RPH3A: variants seen among roughly 807,000 people sequenced by gnomAD.
RPH3A encodes rabphilin-3A.
RPH3A carries 48 observed loss-of-function variants against 102.2 expected under a neutral mutation model. The observed-to-expected ratio is 0.47, with a 90% confidence interval of 0.37 to 0.60. The LOEUF (loss-of-function observed/expected upper bound fraction) is 0.60. Among genes scored for constraint, RPH3A ranks in the 20% least tolerant of loss-of-function variants. RPH3A has a pLI of 0.00. For missense variants in RPH3A, 781 were observed against 910.1 expected, an observed-to-expected ratio of 0.86 and a Z score of 1.83; for synonymous variants, 310 against 324.3, an observed-to-expected ratio of 0.96 and a Z score of 0.47.
chr12:112,696,904 C>A (rs959978815), intron 1 of RPH3A, among the ~76,000 whole-genome samples: 2 of 151,370 alleles, frequency 1.3e-5, no homozygotes, highest in African/African-American at 4.9e-5. Context: ...GTCTTGTTTT[C>A]TTTTTTCTTT....
In RPH3A at chr12:112,875,107, C is replaced by T. The variant is rs769215936; in HGVS notation, c.820C>T (p.Gln274Ter). The T allele has an allele frequency of 6.2e-7, 1 of 1,609,932 alleles. No individual in the cohort carries two copies. The highest frequency in any genetic ancestry group is 1.1e-5 in the South Asian group (1 of 90,100). Residue 274 changes from glutamine to a stop codon, truncating the protein, a stop_gained, in exon 11 of 22, where the codon CAG becomes TAG. Transcript: ENST00000389385. LOFTEE classifies it high-confidence loss of function. The stretch of plus-strand genomic sequence containing the variant: ...AGGTTTGAGACGGGCCAACTCAGTC[C>T]AGGCCTCCAGACCTGCCCCAGGCTC... ...PAGLRRANSV[Q>*]ASRPAPGSVQ...
chr12:112,760,530 A>G (rs1232149623), intron 1 of RPH3A, among the ~76,000 whole-genome samples: 1 of 152,242 alleles, frequency 6.6e-6, no homozygotes, highest in African/African-American at 2.4e-5. Context: ...GTTAAAGAAG[A>G]TATACACTTG....
chr12:112,713,102 T>TTCTTCTTCTTCTTCTTC (rs2040491396), intron 1 of RPH3A, among the ~76,000 whole-genome samples: 1 of 135,552 alleles, frequency 7.4e-6, no homozygotes, highest in East Asian at 2.3e-4. Flanking sequence ...TTCTTCTTCT[T>TTCTTCTTCTTCTTCTTC]TTATTTTTTT....
intron 2 of RPH3A, among the ~76,000 whole-genome samples, chr12:112,819,283 T>C (rs2041735800): frequency 6.6e-6 from 1 of 152,090 alleles, no homozygotes; most frequent in Admixed American, 6.5e-5. Context: ...TTTTTTTGTA[T>C]TCTTAGTAGA....
intron 2 of RPH3A, among the ~76,000 whole-genome samples, chr12:112,802,912 G>A (rs1341029004): frequency 6.6e-6 from 1 of 152,142 alleles, no homozygotes; most frequent in Non-Finnish European, 1.5e-5. Context: ...AGAATAGATT[G>A]GTGAAAGCAG....
intron 1 of RPH3A, among the ~76,000 whole-genome samples, chr12:112,671,543 A>G (rs982864106): frequency 6.6e-6 from 1 of 152,214 alleles, no homozygotes; most frequent in African/African-American, 2.4e-5. Flanking sequence ...GGCTACAGCT[A>G]GCTACAGCTA....
chr12:112,841,904 C>T, intron 4 of RPH3A: 1 of 455,926 alleles, frequency 2.2e-6, no homozygotes, highest in Non-Finnish European at 4.4e-6. Context: ...CTCTCTCTCT[C>T]TGTCCGTCTG....
chr12:112,631,027 G>A (rs2039800192), intron 1 of RPH3A, among the ~76,000 whole-genome samples: 2 of 152,128 alleles, frequency 1.3e-5, no homozygotes, highest in African/African-American at 2.4e-5. Flanking sequence ...TCCAGGTAGG[G>A]GAAACAGGGT....
rs1245125420 is a variant in RPH3A at position 112,876,726 on chromosome 12, C to A, written c.1031C>A (p.Ala344Asp). ...GGVGGYPAVGAREDRMSHPSG... is the reference protein window; with the variant it reads ...GGVGGYPAVGDREDRMSHPSG... ...GTCGGGGGCTACCCAGCAGTTGGAG[C>A]CAGAGAGGACCGAATGAGCCACCCC... The change falls in exon 13 of 22, where the codon GCC becomes GAC. Residue 344 changes from alanine (A) to aspartate (D), a missense_variant. Around this residue, in one of 2 missense-constraint regions of RPH3A, gnomAD observed 730 missense variants for 810.0 expected, o/e 0.90. Transcript: ENST00000389385. 1.2e-6 allele frequency: 2 copies of A among 1,613,262 alleles called. No individual in the cohort carries two copies. Among genetic ancestry groups the A allele is most frequent in the Admixed American group, 3.3e-5 (2 of 59,926 alleles).
intron 1 of RPH3A, among the ~76,000 whole-genome samples, chr12:112,771,724 T>C (rs1477884471): frequency 1.3e-5 from 2 of 152,236 alleles, no homozygotes; most frequent in African/African-American, 2.4e-5. Context: ...ACCAACACAA[T>C]GTGTTATCGC....
chr12:112,889,424 T>G (rs528767940), intron 17 of RPH3A, among the ~76,000 whole-genome samples: 3 of 152,240 alleles, frequency 2.0e-5, no homozygotes, highest in Non-Finnish European at 4.4e-5. Flanking sequence ...AGAACACTAC[T>G]GATCATCTTC....
intron 1 of RPH3A, among the ~76,000 whole-genome samples, chr12:112,634,219 G>A (rs2039829470): frequency 1.1e-5 from 1 of 94,462 alleles, no homozygotes; most frequent in Non-Finnish European, 2.1e-5. Context: ...GTAGTGGCGG[G>A]CGCCTGTAGT....
In RPH3A at chr12:112,798,644, C is replaced by T. The variant is rs888777280; in HGVS notation, c.-19+6381C>T. On this transcript the variant is annotated intron_variant, in intron 2 of 21. Transcript: ENST00000389385. The stretch of plus-strand genomic sequence containing the variant: ...GTGGTCCGCTCCATTGCACATCTTC[C>T]TCCCTGCCCCCTTTCCCCTTTCCGT... Among the ~76,000 whole-genome samples the T allele has an allele frequency of 7.2e-5, 11 of 152,140 alleles. No individual in the cohort carries two copies. In the East Asian group the frequency reaches 2.1e-3, roughly 29 times the overall value.
chr12:112,793,147 G>A (rs1301976634), intron 2 of RPH3A, among the ~76,000 whole-genome samples: 1 of 152,152 alleles, frequency 6.6e-6, no homozygotes, highest in Admixed American at 6.5e-5. Flanking sequence ...GGGAAAGGCT[G>A]CACCAACCTG....
chr12:112,589,422 G>T (rs1284285266), intron 1 of RPH3A, among the ~76,000 whole-genome samples: 3 of 152,038 alleles, frequency 2.0e-5, no homozygotes, highest in Non-Finnish European at 4.4e-5. Flanking sequence ...AACCACCATG[G>T]CCTCCTTGCT....
chr12:112,716,805 G>T (rs1175915576), intron 1 of RPH3A, among the ~76,000 whole-genome samples: 1 of 152,210 alleles, frequency 6.6e-6, no homozygotes, highest in African/African-American at 2.4e-5. Context: ...TCAATTTGAT[G>T]AAAATTTATT....
At position 112,867,864 on chromosome 12, in the gene RPH3A, G is replaced by A. The variant is rs538753855; in HGVS notation, c.445-566G>A. 8.6e-4 allele frequency among the ~76,000 whole-genome samples: 131 copies of A among 152,326 alleles called. 1 individual carries two copies. The highest frequency in any genetic ancestry group is 1.6e-3 in the Non-Finnish European group (109 of 68,038). On this transcript the variant is annotated intron_variant, in intron 7 of 21. Transcript: ENST00000389385. ...TGACCAACTAAACCTGAAGACAGAG[G>A]TCAAGGTTTATTTGGTGGAGTCCAG...
chr12:112,771,458 C>T (rs2040927121), intron 1 of RPH3A, among the ~76,000 whole-genome samples: 1 of 152,126 alleles, frequency 6.6e-6, no homozygotes, highest in Admixed American at 6.6e-5. Flanking sequence ...TTACCCAGTC[C>T]CCTTTAGATG....
intron 1 of RPH3A, among the ~76,000 whole-genome samples, chr12:112,783,940 T>C (rs1340200648): frequency 2.0e-5 from 3 of 152,212 alleles, no homozygotes; most frequent in Non-Finnish European, 2.9e-5. Flanking sequence ...ATCTGATTTA[T>C]TCATTTCCAG....
Sources: gnomAD v4.1 joint callset for allele counts (sites outside exome capture counted in the v4.1 genomes callset) on GRCh38, gnomAD v4.1.1 for gene constraint, gnomAD v4.1.1 regional missense constraint, MANE v1.5 for transcripts, NCBI Gene and HGNC (gene_info 2026-07-23, HGNC 2026-07-21) for gene names.